LRMDA: variants seen among roughly 807,000 people sequenced by gnomAD.
The protein encoded by LRMDA is leucine-rich melanocyte differentiation-associated protein.
Under a neutral mutation model 29.8 loss-of-function variants are expected in LRMDA, and 18 were observed. The observed-to-expected ratio is 0.60, with a 90% CI of 0.42 to 0.90. LRMDA has a LOEUF of 0.90. Among genes scored for constraint, LRMDA ranks in the 40% least tolerant of loss-of-function variants. LRMDA has a pLI of 0.00. For synonymous variants in LRMDA, 125 were observed against 109.4 expected (o/e 1.14, Z -0.89); for missense variants, 273 against 273.9 (o/e 1.00, Z 0.02).
chr10:75,632,532 C>T lies in LRMDA; in HGVS notation c.131+194038C>T, dbSNP rs150700532. Among the ~76,000 whole-genome samples the T allele has an allele frequency of 7.6e-4, 116 of 152,062 alleles. 1 individual carries two copies. The highest frequency in any genetic ancestry group is 6.9e-3 in the Admixed American group (105 of 15,262). On this transcript the variant is annotated intron_variant, in intron 2 of 6. Transcript: ENST00000611255. ...CTCTCAGACTTATTAGAAAGTTTAG[C>T]GTTTAGAGAAATATTTTAATATTTT... is the stretch of plus-strand genomic sequence containing the variant.
chr10:76,005,195 G>A (rs1289891153), intron 2 of LRMDA, among the ~76,000 whole-genome samples: 4 of 151,992 alleles, frequency 2.6e-5, no homozygotes, highest in Non-Finnish European at 5.9e-5. Flanking sequence ...CCTAAACATA[G>A]GACTTCTCTG....
intron 2 of LRMDA, among the ~76,000 whole-genome samples, chr10:75,722,036 A>T (rs1027671408): frequency 6.6e-6 from 1 of 152,134 alleles, no homozygotes; most frequent in African/African-American, 2.4e-5. Context: ...GCAAGATTAT[A>T]AAAAATGGCC....
chr10:76,186,642 C>A (rs183293661), intron 5 of LRMDA, among the ~76,000 whole-genome samples: 25 of 152,278 alleles, frequency 1.6e-4, no homozygotes, highest in African/African-American at 5.5e-4. Flanking sequence ...TGAACAGTAG[C>A]CAGAGAATAC....
At chr10:75,535,314 A>C (rs1839933597) in intron 2 of LRMDA, among the ~76,000 whole-genome samples, 1 of 152,068 alleles carries the variant, frequency 6.6e-6, no homozygotes, top group Admixed American at 6.5e-5. Context: ...TCTGCTTTCT[A>C]ATTTCCTCCC....
At chr10:76,005,531 T>C (rs1293827119) in intron 2 of LRMDA, among the ~76,000 whole-genome samples, 1 of 152,142 alleles carries the variant, frequency 6.6e-6, no homozygotes, top group African/African-American at 2.4e-5. Flanking sequence ...GAGGAGCACT[T>C]GAGCCCAGGA....
chr10:75,530,451 T>C (rs1415183541), intron 2 of LRMDA, among the ~76,000 whole-genome samples: 1 of 152,168 alleles, frequency 6.6e-6, no homozygotes, highest in African/African-American at 2.4e-5. Flanking sequence ...GACGAATGCC[T>C]GTGAGTCCTT....
chr10:76,125,198 G>A (rs1177044198), intron 5 of LRMDA, among the ~76,000 whole-genome samples: 1 of 152,150 alleles, frequency 6.6e-6, no homozygotes, highest in East Asian at 1.9e-4. Flanking sequence ...TCAGCTGACT[G>A]CAATAGAAAT....
chr10:76,065,999 A>C lies in LRMDA; in HGVS notation c.516+7216A>C, dbSNP rs571079839. On this transcript the variant is annotated intron_variant, in intron 5 of 6. Transcript: ENST00000611255. ...GCCTGCAAACATCCCAGCCAACCAC[A>C]GACCTCTACATGAGAAAGAAATGCT... is the stretch of plus-strand genomic sequence containing the variant. Among the ~76,000 whole-genome samples the C allele has an allele frequency of 2.0e-3, 305 of 152,348 alleles. 1 individual carries two copies. Among genetic ancestry groups the C allele is most frequent in the Middle Eastern group, 6.8e-3 (2 of 294 alleles).
chr10:76,145,259 G>A (rs950003858), intron 5 of LRMDA, among the ~76,000 whole-genome samples: 1 of 152,132 alleles, frequency 6.6e-6, no homozygotes, highest in African/African-American at 2.4e-5. Context: ...AGTTTCAGAA[G>A]GAATGGTACC....
intron 2 of LRMDA, among the ~76,000 whole-genome samples, chr10:75,800,065 T>C (rs1427736711): frequency 1.3e-5 from 2 of 152,184 alleles, no homozygotes; most frequent in South Asian, 2.1e-4. Flanking sequence ...TGAGTGGTCC[T>C]TTTTTCCCCC....
chr10:75,944,099 T>C (rs1163975319), intron 2 of LRMDA, among the ~76,000 whole-genome samples: 1 of 152,218 alleles, frequency 6.6e-6, no homozygotes, highest in Non-Finnish European at 1.5e-5. Context: ...TTTTATCAGC[T>C]TTCTGGCAAC....
chr10:76,366,537 G>A (rs1841393606), intron 6 of LRMDA, among the ~76,000 whole-genome samples: 1 of 152,116 alleles, frequency 6.6e-6, no homozygotes, highest in African/African-American at 2.4e-5. Context: ...TTGAGTTCTT[G>A]ATTTGATTCT....
chr10:76,238,595 A>G (rs1457720220), intron 5 of LRMDA, among the ~76,000 whole-genome samples: 2 of 151,908 alleles, frequency 1.3e-5, no homozygotes, highest in South Asian at 2.1e-4. Context: ...GTAGAAACAC[A>G]TAAGGATATA....
At chr10:75,912,880 G>A (rs1845864189) in intron 2 of LRMDA, among the ~76,000 whole-genome samples, 1 of 152,188 alleles carries the variant, frequency 6.6e-6, no homozygotes, top group Non-Finnish European at 1.5e-5. Context: ...GGAGAGACAA[G>A]TGTGAGTATT....
At chr10:76,218,329 G>A (rs1156707488) in intron 5 of LRMDA, among the ~76,000 whole-genome samples, 2 of 152,226 alleles carry the variant, frequency 1.3e-5, no homozygotes, top group Non-Finnish European at 2.9e-5. Context: ...CTCGGGCAGT[G>A]CAGGGCTGAC....
intron 2 of LRMDA, among the ~76,000 whole-genome samples, chr10:75,830,826 T>C (rs1844328518): frequency 1.3e-5 from 2 of 152,336 alleles, no homozygotes; most frequent in African/African-American, 4.8e-5. Flanking sequence ...TCTTAACTCA[T>C]TTTAGCATTA....
intron 6 of LRMDA, among the ~76,000 whole-genome samples, chr10:76,390,643 C>G (rs1456861837): frequency 2.6e-5 from 4 of 152,104 alleles, no homozygotes; most frequent in African/African-American, 7.2e-5. Context: ...CTTCATTGCC[C>G]CTCCCATCCA....
Position 76,439,661 on chromosome 10 carries a change from C to A in LRMDA, c.601+115176C>A, listed in dbSNP as rs562403132. Among the ~76,000 whole-genome samples the A allele has an allele frequency of 1.7e-4, 26 of 152,292 alleles. 1 individual carries two copies. The South Asian group carries it at 5.4e-3, about 32-fold the overall frequency. On this transcript the variant is annotated intron_variant, in intron 6 of 6. Transcript: ENST00000611255. ...ATTAGACAAGAAGATCAGGAGTGCT[C>A]CTTGATCCTCACTGCTGGCTGCAGG...
In LRMDA at chr10:76,499,984, C is replaced by G. The variant is rs1255002321; in HGVS notation, c.602-57225C>G. Among the ~76,000 whole-genome samples the G allele has an allele frequency of 6.6e-5, 5 of 75,618 alleles. 2 individuals carry two copies. The highest frequency in any genetic ancestry group is 3.7e-4 in the Admixed American group (3 of 8,156). 49.6% of individuals were successfully genotyped at this position (75,618 alleles called of 152,430 possible). A position where few individuals can be genotyped will look rare whatever the true frequency, so the allele number is the denominator to read the frequency against. On this transcript the variant is annotated intron_variant, in intron 6 of 6. Coordinates refer to ENST00000611255, the MANE Select transcript of LRMDA (RefSeq NM_001305581.2). Reference sequence around the variant, plus strand: ...TCCTTGGTTCAAGTGATCCTCCTGCCTCAGCCTTCTGAGTAGCTAGGACTA... The same window carrying G: ...TCCTTGGTTCAAGTGATCCTCCTGCGTCAGCCTTCTGAGTAGCTAGGACTA...
Sources: allele counts gnomAD v4.1 joint callset (sites outside exome capture counted in the v4.1 genomes callset), GRCh38; gene constraint gnomAD v4.1.1; transcripts MANE v1.5; gene names NCBI Gene and HGNC (gene_info 2026-07-23, HGNC 2026-07-21).